The following C3orf52 variants were observed in gnomAD, a reference collection of about 807,000 sequenced individuals.
The protein encoded by C3orf52 is chromosome 3 open reading frame 52, also known as TPA-induced transmembrane protein.
C3orf52 carries 22 observed loss-of-function variants against 24.8 expected under a neutral mutation model. The observed-to-expected ratio is 0.89, with a 90% CI of 0.63 to 1.27. C3orf52 has a LOEUF of 1.27. C3orf52 is among the 50% of genes most tolerant of loss of function. C3orf52 has a pLI of 0.00. For synonymous variants in C3orf52, 93 were observed against 100.2 expected (o/e 0.93, Z 0.43); for missense variants, 265 against 260.7 (o/e 1.02, Z -0.11).
downstream of C3orf52, chr3:112,133,225 T>A: frequency 8.3e-7 from 1 of 1,198,580 alleles, no homozygotes; most frequent in Non-Finnish European, 1.2e-6. Context: ...TGTGTGGCTC[T>A]GGCCACCCGT....
Position 112,109,275 on chromosome 3 carries a change from A to G in C3orf52, c.397-268A>G, listed in dbSNP as rs144611770. On this transcript the variant is annotated intron_variant, in intron 3 of 5. Coordinates refer to ENST00000264848, the MANE Select transcript of C3orf52 (RefSeq NM_024616.3). ...GCCTGTGTGGGCTCCAGCTGCTGATATTCTCACCACTAAGGCCACAGGGTG... is the reference window on the plus strand; with the variant it reads ...GCCTGTGTGGGCTCCAGCTGCTGATGTTCTCACCACTAAGGCCACAGGGTG... Among the ~76,000 whole-genome samples, 359 of 152,278 alleles carry G rather than the reference A, an allele frequency of 2.4e-3. 5 individuals are homozygous for G. The highest frequency in any genetic ancestry group is 8.3e-3 in the African/African-American group (343 of 41,554).
chr3:112,131,378 G>A (rs1015928377), downstream of C3orf52, among the ~76,000 whole-genome samples: 5 of 152,272 alleles, frequency 3.3e-5, no homozygotes, highest in South Asian at 8.3e-4. Context: ...GGAGAGACAC[G>A]GTTGGGGGGG....
chr3:112,130,734 C>T (rs1469232679), downstream of C3orf52: 5 of 563,508 alleles, frequency 8.9e-6, 1 homozygote, highest in Middle Eastern at 9.2e-4. Context: ...CACTGATGTT[C>T]TCCAACCTCC....
At chr3:112,115,181 A>T (rs1308254498) in intron 5 of C3orf52, among the ~76,000 whole-genome samples, 2 of 152,208 alleles carry the variant, frequency 1.3e-5, no homozygotes, top group Admixed American at 6.5e-5. Flanking sequence ...GCAATATTTG[A>T]GCCATTTTAT....
At chr3:112,121,168 G>T (rs770348744), downstream of C3orf52, 1 of 152,156 alleles carries the variant, frequency 6.6e-6, no homozygotes, top group Admixed American at 6.5e-5. Flanking sequence ...GACAGATAAT[G>T]CTTTCACAGG....
At chr3:112,103,621 T>G in intron 3 of C3orf52, among the ~76,000 whole-genome samples, 1 of 152,120 alleles carries the variant, frequency 6.6e-6, no homozygotes, top group African/African-American at 2.4e-5. Flanking sequence ...AAAAGATCGT[T>G]TTATAATAGT....
rs767787870 is a variant in C3orf52 at position 112,123,594 on chromosome 3, A to G, written c.*46+4032A>G. 22 of 1,614,028 alleles carry G rather than the reference A, an allele frequency of 1.4e-5. No individual in the cohort carries two copies. The highest frequency in any genetic ancestry group is 5.3e-5 in the African/African-American group (4 of 74,914). On this transcript the variant is annotated intron_variant, in intron 4 of 4. Transcript: ENST00000480282. ...GGCATGCCTGGGGTCTGTAGAAGGC[A>G]TATGTAGAAGTGAATACTCAGTCTC...
At chr3:112,125,316 G>T in intron 4 of C3orf52, 3 of 1,127,070 alleles carry the variant, frequency 2.7e-6, no homozygotes, top group Non-Finnish European at 2.7e-6. Context: ...GGGAAGAGCA[G>T]GGGAGGCTAG....
chr3:112,127,098 C>A, intron 4 of C3orf52: 1 of 1,034,476 alleles, frequency 9.7e-7, no homozygotes, highest in Admixed American at 2.1e-5. Flanking sequence ...ATGACACAAG[C>A]CTACAAAACT....
intron 3 of C3orf52, among the ~76,000 whole-genome samples, chr3:112,107,844 G>C (rs1041290092): frequency 6.6e-6 from 1 of 152,226 alleles, no homozygotes; most frequent in Non-Finnish European, 1.5e-5. Context: ...TGAGATATGG[G>C]TTGTACATGT....
At chr3:112,119,667 G>A (rs2074170383), downstream of C3orf52, 2 of 600,334 alleles carry the variant, frequency 3.3e-6, no homozygotes, top group South Asian at 2.0e-5. Flanking sequence ...ATCTCTCAAT[G>A]TCCTCCTTCT....
At position 112,086,532 on chromosome 3, in the gene C3orf52, T is replaced by C. The variant is rs531934309; in HGVS notation, c.125T>C (p.Val42Ala). 336 of 1,543,304 alleles carry C rather than the reference T, an allele frequency of 2.2e-4. 1 individual carries two copies. In the African/African-American group the frequency reaches 4.2e-3, roughly 19 times the overall value. The stretch of plus-strand genomic sequence containing the variant: ...GTCTTCCCTTCTTTGGACGAGGAGG[T>C]CCCCCCGGCCGAGGTAAGGTCCCCT... ...DKVFPSLDEE[V>A]PPAEANKESP... Residue 42 changes from valine (V) to alanine (A), a missense_variant, in exon 1 of 6, where the codon GTC (valine) becomes GCC (alanine). Physicochemically the swap from Val to Ala is moderately conservative, Grantham distance 64. Coordinates refer to ENST00000264848, the MANE Select transcript of C3orf52 (RefSeq NM_024616.3).
At chr3:112,123,864 T>C in intron 4 of C3orf52, 5 of 1,360,746 alleles carry the variant, frequency 3.7e-6, no homozygotes, top group Admixed American at 2.2e-5. Context: ...CTTGGTCAAG[T>C]CTGTCTTCTA....
intron 4 of C3orf52, 200 bp from the exon 5 acceptor site, chr3:112,112,764 G>A (rs1279855693): frequency 3.1e-6 from 2 of 635,382 alleles, no homozygotes; most frequent in Admixed American, 2.4e-5. Flanking sequence ...GAGGAGGTTA[G>A]GATCACCTCA....
At chr3:112,124,136 G>GTA (rs2074257581) in intron 4 of C3orf52, among the ~76,000 whole-genome samples, 1 of 152,178 alleles carries the variant, frequency 6.6e-6, no homozygotes, top group Admixed American at 6.5e-5. Flanking sequence ...TCTCATGAAT[G>GTA]GCTTAGTGCC....
At chr3:112,126,765 C>T (rs1035690595) in intron 4 of C3orf52, among the ~76,000 whole-genome samples, 4 of 152,206 alleles carry the variant, frequency 2.6e-5, no homozygotes, top group Admixed American at 2.0e-4. Context: ...GCCTCCAGGC[C>T]TCAGGCACTA....
At chr3:112,119,950 C>T (rs1336576887), downstream of C3orf52, among the ~76,000 whole-genome samples, 3 of 152,210 alleles carry the variant, frequency 2.0e-5, no homozygotes, top group Non-Finnish European at 2.9e-5. Context: ...GAATGGCCAC[C>T]AGCTCAGGTA....
intron 3 of C3orf52, among the ~76,000 whole-genome samples, chr3:112,107,556 A>G (rs572241508): frequency 5.3e-5 from 8 of 152,276 alleles, no homozygotes; most frequent in African/African-American, 1.7e-4. Flanking sequence ...TTCACTGTAT[A>G]TATATCAATT....
At chr3:112,102,200 G>A (rs111413886) in intron 2 of C3orf52, among the ~76,000 whole-genome samples, 14,301 of 152,036 alleles carry the variant, frequency 0.094, 1,235 homozygotes, top group African/African-American at 0.23. Flanking sequence ...AGTCACCTCT[G>A]TTGTTTGAGT....
Sources: gnomAD v4.1 joint callset for allele counts (sites outside exome capture counted in the v4.1 genomes callset) on GRCh38, gnomAD v4.1.1 for gene constraint, MANE v1.5 for transcripts, NCBI Gene and HGNC (gene_info 2026-07-23, HGNC 2026-07-21) for gene names.